LGR6: variants seen among roughly 807,000 people sequenced by gnomAD.
LGR6 encodes leucine rich repeat containing G protein-coupled receptor 6, also known as leucine-rich repeat-containing G protein-coupled receptor 6.
Under a neutral mutation model 69.4 loss-of-function variants are expected in LGR6, and 45 were observed. That is an observed-to-expected ratio of 0.65 (90% confidence interval 0.51 to 0.83). The LOEUF is 0.83. Among genes scored for constraint, LGR6 ranks in the 40% least tolerant of loss-of-function variants. The probability of loss-of-function intolerance (pLI) is 0.00; values close to 1 mark genes in which losing one functional copy is unlikely to be tolerated. For missense variants in LGR6, 1,108 were observed against 1,246.7 expected (o/e 0.89, Z 1.68); for synonymous variants, 538 against 555.0 (o/e 0.97, Z 0.43).
intron 1 of LGR6, among the ~76,000 whole-genome samples, chr1:202,218,825 T>C (rs956996604): frequency 3.9e-5 from 6 of 152,300 alleles, no homozygotes; most frequent in Admixed American, 2.0e-4. Flanking sequence ...TAGAACCTAA[T>C]TGGGAGGGCT....
chr1:202,209,618 A>G (rs911988177), intron 1 of LGR6, among the ~76,000 whole-genome samples: 1 of 152,242 alleles, frequency 6.6e-6, no homozygotes, highest in Non-Finnish European at 1.5e-5. Flanking sequence ...TACTTAGTTA[A>G]AAAAAGTGAT....
Position 202,310,237 on chromosome 1 carries a change from G to A in LGR6, c.1447G>A (p.Gly483Arg). 1 of 1,614,104 alleles carries A rather than the reference G, an allele frequency of 6.2e-7. No homozygotes were observed. Among genetic ancestry groups the A allele is most frequent in the Non-Finnish European group, 8.5e-7 (1 of 1,180,008 alleles). The change falls in exon 16 of 18, where the codon GGG (glycine) becomes AGG (arginine). Residue 483 changes from glycine to arginine, a missense_variant. By Grantham distance (125) the Gly-to-Arg change is moderately radical (BLOSUM62 -2). Coordinates refer to ENST00000367278, the MANE Select transcript of LGR6 (RefSeq NM_001017403.2). Reference sequence around the variant, plus strand: ...TTATGCCTACCAGTGCTGTCCCTATGGGATGTGTGCCAGCTTCTTCAAGGC... The same window carrying A: ...TTATGCCTACCAGTGCTGTCCCTATAGGATGTGTGCCAGCTTCTTCAAGGC... The part of the protein sequence containing the change: ...VPYAYQCCPY[G>R]MCASFFKASG...
At chr1:202,288,133 G>T (rs2148209582) in intron 6 of LGR6, among the ~76,000 whole-genome samples, 1 of 152,124 alleles carries the variant, frequency 6.6e-6, no homozygotes, top group South Asian at 2.1e-4. Flanking sequence ...TACTACTTTT[G>T]TTCCTGCATC....
chr1:202,287,481 GT>G (rs1666476189), intron 6 of LGR6, among the ~76,000 whole-genome samples: 1 of 152,138 alleles, frequency 6.6e-6, no homozygotes. Flanking sequence ...GGTCTTGTAT[GT>G]TTGCTGATTA....
At position 202,318,129 on chromosome 1, in the gene LGR6, C is replaced by G. The variant is rs749076470; in HGVS notation, c.1826C>G (p.Thr609Ser). ...FVVGAIAGAN[T>S]LTGISCGLLA... is the part of the protein sequence containing the mutation. ...GTAGGTGCGATTGCAGGCGCCAACA[C>G]CTTGACTGGCATTTCCTGTGGCCTT... is the stretch of plus-strand genomic sequence containing the variant. The change falls in exon 18 of 18, where the codon ACC becomes AGC. Residue 609 changes from threonine (T) to serine (S), a missense_variant. Transcript: ENST00000367278. 6.2e-7 allele frequency: 1 copy of G among 1,614,178 alleles called. No individual in the cohort carries two copies. The highest frequency in any genetic ancestry group is 1.7e-5 in the Admixed American group (1 of 60,036).
At position 202,314,821 on chromosome 1, in the gene LGR6, G is replaced by A; in HGVS notation, c.1587G>A (p.Glu529=). Reference sequence around the variant, plus strand: ...TTTCAGATGACCAGGACCTGGATGAGCTCCAGCTGGAGATGGAGGACTCAA... The same window carrying A: ...TTTCAGATGACCAGGACCTGGATGAACTCCAGCTGGAGATGGAGGACTCAA... ...AENHYDQDLD[E]LQLEMEDSKP... is the part of the protein sequence containing the mutation. The change falls in exon 17 of 18, where the codon GAG becomes GAA. Residue 529 remains glutamate, a synonymous_variant. Coordinates refer to ENST00000367278, the MANE Select transcript of LGR6 (RefSeq NM_001017403.2). The A allele has an allele frequency of 6.2e-7, 1 of 1,613,890 alleles. No individual in the cohort carries two copies. The highest frequency in any genetic ancestry group is 8.5e-7 in the Non-Finnish European group (1 of 1,179,778).
rs2148131307 is a variant in LGR6, at chr1:202,268,420, A to C, written c.429-7886A>C. On this transcript the variant is annotated intron_variant, in intron 4 of 17. Transcript: ENST00000367278. This position sits in a 1 kb window ranked among gnomAD's most constrained non-coding sequence, Gnocchi z 4.4. ...GCAATCAACGGCTCCCACGTGGAATATTTTCCCCACAGAATAACCATTTCC... is the reference window on the plus strand; with the variant it reads ...GCAATCAACGGCTCCCACGTGGAATCTTTTCCCCACAGAATAACCATTTCC... 6.7e-6 allele frequency among the ~76,000 whole-genome samples: 1 copy of C among 149,164 alleles called. No homozygotes were observed. Among genetic ancestry groups the C allele is most frequent in the Admixed American group, 6.7e-5 (1 of 15,002 alleles).
chr1:202,303,819 A>G (rs1667781310), intron 10 of LGR6, among the ~76,000 whole-genome samples: 1 of 152,242 alleles, frequency 6.6e-6, no homozygotes, highest in African/African-American at 2.4e-5. Context: ...GCAAACACCC[A>G]GAATGAGTGT....
intron 4 of LGR6, among the ~76,000 whole-genome samples, chr1:202,239,344 GGTGT>G (rs36157781): frequency 0.057 from 8,156 of 144,130 alleles, 265 homozygotes; most frequent in African/African-American, 0.091. Context: ...GTGTGTGTGT[GGTGT>G]GTGTGTGTGT....
At position 202,236,543 on chromosome 1, in the gene LGR6, G is replaced by A. The variant is rs538919011; in HGVS notation, c.428+550G>A. On this transcript the variant is annotated intron_variant, in intron 4 of 17. Coordinates refer to ENST00000367278, the MANE Select transcript of LGR6 (RefSeq NM_001017403.2). ...TCCCTTCTTGTCCAGCAGGGGCATC[G>A]TGGAAGCCAGACCCAGCCTGAGGGT... Among the ~76,000 whole-genome samples the A allele has an allele frequency of 1.4e-4, 22 of 152,176 alleles. 1 individual carries two copies. Among genetic ancestry groups the A allele is most frequent in the Non-Finnish European group, 2.9e-4 (20 of 68,012 alleles).
At chr1:202,230,093 T>C (rs1660893043) in intron 3 of LGR6, among the ~76,000 whole-genome samples, 1 of 152,110 alleles carries the variant, frequency 6.6e-6, no homozygotes. Flanking sequence ...CTGGGACCCT[T>C]ATCTGAGTGG....
intron 4 of LGR6, among the ~76,000 whole-genome samples, chr1:202,254,837 C>G (rs1220542484): frequency 2.0e-5 from 3 of 150,676 alleles, no homozygotes; most frequent in Admixed American, 2.0e-4. Flanking sequence ...GCGGGAGGAT[C>G]TCTTGAACTC....
chr1:202,318,305 A>G lies in LGR6; in HGVS notation c.2002A>G (p.Ser668Gly). ...GCTCACTCTGGCCGCAGTGCAGTGC[A>G]GCGTCTCCGTCTCCTGTGTCCGGGC... ...LLLTLAAVQC[S>G]VSVSCVRAYG... Residue 668 changes from serine to glycine, a missense_variant, in exon 18 of 18, where the codon AGC (serine) becomes GGC (glycine). Physicochemically the swap from Ser to Gly is moderately conservative, Grantham distance 56. Transcript: ENST00000367278. 6.3e-7 allele frequency: 1 copy of G among 1,595,602 alleles called. No individual in the cohort carries two copies. Among genetic ancestry groups the G allele is most frequent in the East Asian group, 2.2e-5 (1 of 44,576 alleles).
At chr1:202,239,604 G>A (rs565985777) in intron 4 of LGR6, among the ~76,000 whole-genome samples, 342 of 152,212 alleles carry the variant, frequency 2.2e-3, no homozygotes, top group Non-Finnish European at 3.4e-3. Flanking sequence ...TCTGAAGGTG[G>A]GGAAGTCAGT....
chr1:202,225,206 G>A (rs1455521303), intron 1 of LGR6, among the ~76,000 whole-genome samples: 3 of 152,222 alleles, frequency 2.0e-5, no homozygotes, highest in Non-Finnish European at 4.4e-5. Context: ...CATATAGAGA[G>A]AATCACCAAA....
chr1:202,310,456 T>G (rs1653631969), intron 16 of LGR6, 99 bp downstream of exon 16: 1 of 1,202,130 alleles, frequency 8.3e-7, no homozygotes, highest in South Asian at 1.4e-5. Flanking sequence ...TGACAGCAGC[T>G]GCAGAGGGAA....
chr1:202,299,348 T>C (rs1667407474), intron 7 of LGR6, among the ~76,000 whole-genome samples: 1 of 151,772 alleles, frequency 6.6e-6, no homozygotes. Flanking sequence ...TTTCCTTTGA[T>C]CTGGGGCATG....
At chr1:202,301,309 A>T in intron 9 of LGR6, 74 bp downstream of exon 9, 1 of 1,286,666 alleles carries the variant, frequency 7.8e-7, no homozygotes, top group Non-Finnish European at 1.1e-6. Flanking sequence ...TCTCCTGCCT[A>T]TCGCCTGCGG....
intron 3 of LGR6, among the ~76,000 whole-genome samples, chr1:202,229,664 C>T (rs938205705): frequency 6.6e-6 from 1 of 152,222 alleles, no homozygotes. Flanking sequence ...AAATGGCACC[C>T]TTGGCTCAGT....
Sources: allele counts gnomAD v4.1 joint callset (sites outside exome capture counted in the v4.1 genomes callset), GRCh38; gene constraint gnomAD v4.1.1; non-coding constraint Gnocchi (gnomAD v3.1); transcripts MANE v1.5; gene names NCBI Gene and HGNC (gene_info 2026-07-23, HGNC 2026-07-21).